TCF7: variants seen among roughly 807,000 people sequenced by gnomAD.
TCF7 encodes the protein T-cell-factor-7.
A neutral mutation model predicts 46.8 loss-of-function variants in TCF7; 19 were observed. The ratio of observed to expected loss-of-function variants is 0.41; its 90% CI spans 0.28 to 0.60. TCF7 has a LOEUF of 0.60. TCF7 is among the 20% of genes least tolerant of loss of function. The probability of loss-of-function intolerance (pLI) is 0.35; values close to 1 mark genes in which losing one functional copy is unlikely to be tolerated. For missense variants in TCF7, 547 were observed against 504.6 expected, an observed-to-expected ratio of 1.08 and a Z score of -0.81; for synonymous variants, 245 against 213.4, an observed-to-expected ratio of 1.15 and a Z score of -1.29.
rs868744674 is a variant in TCF7 at position 134,115,358 on chromosome 5, C to T, written c.287C>T (p.Pro96Leu). The T allele has an allele frequency of 3.1e-6, 5 of 1,602,764 alleles. No homozygotes were observed. Among genetic ancestry groups the T allele is most frequent in the Non-Finnish European group, 4.3e-6 (5 of 1,175,494 alleles). ...GAACACGCTGCGCAGAGACTCTTCC[C>T]GGACAAACTTCCAGAGCCCCTGGAG... ...GREHAAQRLFPDKLPEPLEDG... is the reference protein window; with the variant it reads ...GREHAAQRLFLDKLPEPLEDG... The change falls in exon 2 of 10, where the codon CCG (proline) becomes CTG (leucine). Residue 96 changes from proline to leucine, a missense_variant. By Grantham distance (98) the Pro-to-Leu change is moderately conservative. This residue lies in a region of TCF7 where 425 missense variants were observed against 349.9 expected (regional missense o/e 1.21). Transcript: ENST00000342854.
At chr5:134,128,345 T>G (rs1757631453) in intron 3 of TCF7, among the ~76,000 whole-genome samples, 1 of 152,096 alleles carries the variant, frequency 6.6e-6, no homozygotes, top group African/African-American at 2.4e-5. Context: ...CTGCCCAGCC[T>G]CCTCCCTCTG....
upstream of TCF7, among the ~76,000 whole-genome samples, chr5:134,113,310 G>A (rs1307026206): frequency 6.6e-6 from 1 of 152,244 alleles, no homozygotes; most frequent in African/African-American, 2.4e-5. Flanking sequence ...CCCGGAGGTG[G>A]CGGGGGAGGG....
intron 3 of TCF7, among the ~76,000 whole-genome samples, chr5:134,127,889 A>G (rs1757546185): frequency 6.6e-6 from 1 of 152,194 alleles, no homozygotes; most frequent in Admixed American, 6.5e-5. Flanking sequence ...CTTGCTTTTG[A>G]TTTTTCTCCT....
chr5:134,125,603 C>G (rs976533750), intron 3 of TCF7, among the ~76,000 whole-genome samples: 1 of 152,244 alleles, frequency 6.6e-6, no homozygotes, highest in Non-Finnish European at 1.5e-5. Context: ...GTCTCAGGAC[C>G]CTTCCCCAGG....
chr5:134,118,358 C>T (rs1756110187), intron 3 of TCF7, among the ~76,000 whole-genome samples: 2 of 152,252 alleles, frequency 1.3e-5, no homozygotes, highest in Admixed American at 1.3e-4. Flanking sequence ...CCCCCTTGCC[C>T]TTTGCCCGGC....
In TCF7 at chr5:134,115,102, G is replaced by GCAGGGATCC; in HGVS notation, c.198_206dup (p.Ile68_Gly70dup). ...CGAGTCCGAGGGCGCGGCCGGCGGC[G>GCAGGGATCC]CAGGGATCCCGGGGGTCCCGGGGGC... On this transcript the variant is annotated inframe_insertion, in exon 1 of 10. Transcript: ENST00000342854. 1.9e-6 allele frequency: 2 copies of GCAGGGATCC among 1,070,184 alleles called. No homozygotes were observed. Among genetic ancestry groups the GCAGGGATCC allele is most frequent in the Non-Finnish European group, 2.3e-6 (2 of 876,050 alleles). 66.3% of individuals were successfully genotyped at this position (1,070,184 alleles called of 1,614,324 possible).
chr5:134,115,296 C>T, intron 1 of TCF7, 25 bp from the exon 2 acceptor site: 2 of 1,543,940 alleles, frequency 1.3e-6, no homozygotes, highest in Non-Finnish European at 8.7e-7. Context: ...CACCGCCCCT[C>T]ACTCCCCTCC....
intron 3 of TCF7, among the ~76,000 whole-genome samples, chr5:134,116,865 G>A (rs1225362179): frequency 6.6e-6 from 1 of 152,244 alleles, no homozygotes; most frequent in East Asian, 1.9e-4. Context: ...CCAAGTTGGG[G>A]TGAAGGTACG....
chr5:134,117,527 G>A (rs1411791147), intron 3 of TCF7, among the ~76,000 whole-genome samples: 1 of 152,240 alleles, frequency 6.6e-6, no homozygotes, highest in Non-Finnish European at 1.5e-5. Flanking sequence ...GCCTCCCGGG[G>A]CTCCACAGCA....
In TCF7 at chr5:134,135,411, C is replaced by T. The variant is rs551947500; in HGVS notation, c.442-2648C>T. Among the ~76,000 whole-genome samples the T allele has an allele frequency of 3.3e-5, 5 of 152,312 alleles. No individual in the cohort carries two copies. The East Asian group carries it at 9.6e-4, about 29-fold the overall frequency. On this transcript the variant is annotated intron_variant, in intron 3 of 9. Coordinates refer to ENST00000342854, the MANE Select transcript of TCF7 (RefSeq NM_003202.5). ...AAGCATGGGTCTAAGGAGGGAGCTG[C>T]TGCAGTCATCCAGGTGCAAAGTGAT...
At chr5:134,121,796 T>C (rs1756631177) in intron 3 of TCF7, among the ~76,000 whole-genome samples, 2 of 152,156 alleles carry the variant, frequency 1.3e-5, no homozygotes, top group Non-Finnish European at 1.5e-5. Context: ...CGTTTCCACC[T>C]TGACTATTTT....
chr5:134,117,794 C>T (rs996584208), intron 3 of TCF7, among the ~76,000 whole-genome samples: 8 of 152,222 alleles, frequency 5.3e-5, no homozygotes, highest in Non-Finnish European at 1.0e-4. Context: ...TGTATCGCAC[C>T]TGCTCCTATA....
At chr5:134,140,513 A>G (rs1179472275) in intron 5 of TCF7, 3 of 289,452 alleles carry the variant, frequency 1.0e-5, no homozygotes, top group African/African-American at 2.3e-5. Context: ...CCCAGGACAG[A>G]TATCAGCCCT....
At chr5:134,140,519 G>C in intron 5 of TCF7, 1 of 325,980 alleles carries the variant, frequency 3.1e-6, no homozygotes, top group South Asian at 2.3e-5. Context: ...ACAGATATCA[G>C]CCCTATACCG....
rs1441013792 is a variant in TCF7 at position 134,142,776 on chromosome 5, A to T, written c.811A>T (p.Lys271Ter). Residue 271 changes from lysine to a stop codon, truncating the protein, a stop_gained, in exon 7 of 10, where the codon AAG (lysine) becomes TAG (stop). Coordinates refer to ENST00000342854, the MANE Select transcript of TCF7 (RefSeq NM_003202.5). LOFTEE classifies it high-confidence loss of function. ...GGAGGCCAAGAAGCCAACCATCAAG[A>T]AGCCCCTCAATGCCTTCATGCTGTA... ...EKEAKKPTIK[K>*]PLNAFMLYMK... The T allele has an allele frequency of 6.2e-7, 1 of 1,614,196 alleles. No individual in the cohort carries two copies.
chr5:134,115,528 G>A, intron 2 of TCF7, 141 bp downstream of exon 2: 1 of 1,446,490 alleles, frequency 6.9e-7, no homozygotes, highest in South Asian at 1.4e-5. Flanking sequence ...GTGGAGAGTG[G>A]GGGGCGGGCT....
In TCF7 at chr5:134,143,086, G is replaced by A. The variant is rs1188626530; in HGVS notation, c.1012G>A (p.Ala338Thr). Reference sequence around the variant, plus strand: ...CATGCAGCTATACCCAGGCTGGTCAGCGCGGGACAACTACGTGAGTGCCTA... The same window carrying A: ...CATGCAGCTATACCCAGGCTGGTCAACGCGGGACAACTACGTGAGTGCCTA... ...LHMQLYPGWS[A>T]RDNYGKKKRR... Residue 338 changes from alanine (A) to threonine (T), a missense_variant, in exon 8 of 10, where the codon GCG (alanine) becomes ACG (threonine). Transcript: ENST00000342854. 1.2e-6 allele frequency: 2 copies of A among 1,606,098 alleles called. No homozygotes were observed. Among genetic ancestry groups the A allele is most frequent in the Admixed American group, 1.7e-5 (1 of 58,522 alleles).
intron 9 of TCF7, chr5:134,144,953 C>G: frequency 3.2e-6 from 4 of 1,235,224 alleles, no homozygotes; most frequent in Non-Finnish European, 4.7e-6. Flanking sequence ...CTGCAGCCCA[C>G]TCCTTTGGCC....
chr5:134,144,587 G>C, intron 9 of TCF7: 1 of 571,240 alleles, frequency 1.8e-6, no homozygotes. Context: ...TGCGTACCTG[G>C]GTGCCCACCT....
Sources: gnomAD v4.1 joint callset for allele counts (sites outside exome capture counted in the v4.1 genomes callset) on GRCh38, gnomAD v4.1.1 for gene constraint, gnomAD v4.1.1 regional missense constraint, MANE v1.5 for transcripts, NCBI Gene and HGNC (gene_info 2026-07-23, HGNC 2026-07-21) for gene names.